The following IQSEC1 variants were observed in gnomAD, a reference collection of about 807,000 sequenced individuals.
IQSEC1 encodes IQ motif and SEC7 domain-containing protein 1.
A neutral mutation model predicts 91.0 loss-of-function variants in IQSEC1; 31 were observed. That is an observed-to-expected ratio of 0.34 (90% CI 0.26 to 0.46). The LOEUF (loss-of-function observed/expected upper bound fraction) is 0.46, where lower values mean the gene tolerates loss of function less well. IQSEC1 is among the 20% of genes least tolerant of loss of function. IQSEC1 has a pLI of 1.00. For synonymous variants in IQSEC1, 699 were observed against 662.6 expected (o/e 1.05, Z -0.84); for missense variants, 1,388 against 1,575.6 (o/e 0.88, Z 2.02).
intron 2 of IQSEC1, among the ~76,000 whole-genome samples, chr3:13,101,043 C>T (rs1190481219): frequency 1.3e-5 from 2 of 151,618 alleles, no homozygotes; most frequent in Non-Finnish European, 1.5e-5. Flanking sequence ...GCAAGGGGGC[C>T]GAGAGGCTGG....
chr3:12,935,710 C>T lies in IQSEC1; in HGVS notation c.1306G>A (p.Ala436Thr). The T allele has an allele frequency of 1.2e-6, 2 of 1,613,328 alleles. No individual in the cohort carries two copies. The highest frequency in any genetic ancestry group is 1.7e-6 in the Non-Finnish European group (2 of 1,180,022). The change falls in exon 3 of 14, where the codon GCC becomes ACC. Residue 436 changes from alanine to threonine, a missense_variant. Ala to Thr is a moderately conservative substitution (Grantham distance 58). This residue lies in a region of IQSEC1 where 1,059 missense variants were observed against 1,317.8 expected (regional missense o/e 0.80). Transcript: ENST00000613206. The surrounding 1 kb of genome is among the most constrained non-coding windows in gnomAD (Gnocchi z 8.0). The stretch of plus-strand genomic sequence containing the variant: ...TGCCGGTTGGCTGAGCCATTGATGG[C>T]CAAGTGGCTGTCCAGGGGCCTGGGG... Reference protein sequence around the residue: ...RPPRPLDSHLAINGSANRQSK... With the variant: ...RPPRPLDSHLTINGSANRQSK...
In IQSEC1 at chr3:12,899,536, C is replaced by A. The variant is rs190703044; in HGVS notation, c.*1447G>T. On this transcript the variant is annotated 3_prime_UTR_variant, in exon 14 of 14. Transcript: ENST00000613206. ...CACCACAACACAGAAGCGACAAGAGCACAGCTGAGAGTCATGTGATGCCCT... is the reference window on the plus strand; with the variant it reads ...CACCACAACACAGAAGCGACAAGAGAACAGCTGAGAGTCATGTGATGCCCT... The A allele has an allele frequency of 1.2e-5, 18 of 1,525,348 alleles. No homozygotes were observed. Among genetic ancestry groups the A allele is most frequent in the Non-Finnish European group, 1.2e-5 (14 of 1,128,044 alleles). 94.5% of individuals were successfully genotyped at this position (1,525,348 alleles called of 1,614,324 possible).
intron 2 of IQSEC1, among the ~76,000 whole-genome samples, chr3:13,126,735 T>G (rs1426409256): frequency 6.6e-6 from 1 of 152,260 alleles, no homozygotes; most frequent in Non-Finnish European, 1.5e-5. Flanking sequence ...TGTAGTAGTA[T>G]GCCACTTTGG....
Position 12,941,563 on chromosome 3 carries a change from TCTC to T in IQSEC1, c.318+5_318+7del, listed in dbSNP as rs751305679. ...GCATGTGTGGCCTGAGGGGCTGTGC[TCTC>T]CTACCTGCTTGTCCTGCAGGTCCGA... On this transcript the variant is annotated splice_donor_5th_base_variant and intron_variant, in intron 2 of 13. Transcript: ENST00000613206. 2 of 1,553,478 alleles carry T rather than the reference TCTC, an allele frequency of 1.3e-6. No individual in the cohort carries two copies. The highest frequency in any genetic ancestry group is 1.7e-6 in the Non-Finnish European group (2 of 1,143,606).
At position 13,141,538 on chromosome 3, in the gene IQSEC1, G is replaced by A. The variant is rs564500404; in HGVS notation, c.302+22566C>T. On this transcript the variant is annotated intron_variant, in intron 2 of 15. Transcript: ENST00000648114. The stretch of plus-strand genomic sequence containing the variant: ...GAGCTAAGTAAGGGAGGGAGAAGAC[G>A]GATAAATGAGGCAGGGAGCTGATGA... Among the ~76,000 whole-genome samples, 4 of 152,354 alleles carry A rather than the reference G, an allele frequency of 2.6e-5. No homozygotes were observed. In the East Asian group the frequency reaches 5.8e-4, roughly 22 times the overall value.
At position 13,148,556 on chromosome 3, in the gene IQSEC1, T is replaced by C. The variant is rs1169193081; in HGVS notation, c.302+15548A>G. Among the ~76,000 whole-genome samples, 3 of 152,356 alleles carry C rather than the reference T, an allele frequency of 2.0e-5. No individual in the cohort carries two copies. In the East Asian group the frequency reaches 5.8e-4, roughly 29 times the overall value. On this transcript the variant is annotated intron_variant, in intron 2 of 15. Transcript: ENST00000648114. ...ATTGCAGGTTTATGGGTTTTTGTTT[T>C]GTTTTGTTTTTGGTATGAAATGGGA...
intron 1 of IQSEC1, among the ~76,000 whole-genome samples, chr3:13,199,074 C>T (rs1559275701): frequency 1.3e-5 from 2 of 152,346 alleles, no homozygotes; most frequent in East Asian, 3.9e-4. Flanking sequence ...CTGCATTCAG[C>T]CACATGCATG....
intron 3 of IQSEC1, among the ~76,000 whole-genome samples, chr3:12,927,037 G>A (rs943854139): frequency 1.3e-5 from 2 of 152,106 alleles, no homozygotes; most frequent in South Asian, 4.1e-4. Flanking sequence ...CTCCAAACAA[G>A]AACTGCTCCA....
chr3:13,108,413 G>A (rs1414984592), intron 2 of IQSEC1, among the ~76,000 whole-genome samples: 1 of 152,084 alleles, frequency 6.6e-6, no homozygotes, highest in Non-Finnish European at 1.5e-5. Flanking sequence ...GAAACATGTG[G>A]CCATTTTTGG....
intron 1 of IQSEC1, among the ~76,000 whole-genome samples, chr3:13,071,168 T>TTG (rs1178698866): frequency 1.1e-4 from 9 of 78,758 alleles, no homozygotes; most frequent in South Asian, 4.6e-4. Flanking sequence ...TTTTTTTTTG[T>TTG]TTGTTTCTTT....
At chr3:13,187,733 T>C (rs1023733047) in intron 1 of IQSEC1, among the ~76,000 whole-genome samples, 2 of 152,184 alleles carry the variant, frequency 1.3e-5, no homozygotes, top group African/African-American at 2.4e-5. Context: ...GGGTAGCTTA[T>C]AAACAACAGA....
chr3:13,266,298 T>A (rs1300817626), intron 1 of IQSEC1, among the ~76,000 whole-genome samples: 1 of 152,226 alleles, frequency 6.6e-6, no homozygotes, highest in African/African-American at 2.4e-5. Flanking sequence ...CCATCGCCCT[T>A]GGACTCCATG....
At chr3:12,934,210 A>T (rs113755477) in intron 3 of IQSEC1, among the ~76,000 whole-genome samples, 1,895 of 152,348 alleles carry the variant, frequency 0.012, 16 homozygotes, top group Non-Finnish European at 0.021. Flanking sequence ...TCACAGGCTC[A>T]GGAGAGAGCA....
In IQSEC1 at chr3:12,899,343, G is replaced by GC; in HGVS notation, c.*1639dup. ...CGTGAGCTTCGCCCTTTCTGAAAGG[G>GC]CCTCCGCCTGGGCAGGCGCCGGGGG... is the stretch of plus-strand genomic sequence containing the variant. On this transcript the variant is annotated 3_prime_UTR_variant, in exon 14 of 14. Coordinates refer to ENST00000613206, the MANE Select transcript of IQSEC1 (RefSeq NM_001134382.3). The GC allele has an allele frequency of 1.9e-6, 3 of 1,602,680 alleles. No homozygotes were observed. The South Asian group carries it at 3.3e-5, about 18-fold the overall frequency.
chr3:13,262,743 A>C (rs1214455333), intron 1 of IQSEC1, among the ~76,000 whole-genome samples: 1 of 152,234 alleles, frequency 6.6e-6, no homozygotes, highest in African/African-American at 2.4e-5. Flanking sequence ...AAAGGAAGGA[A>C]ATTCTGATCC....
chr3:12,907,181 G>A (rs1356390105), intron 12 of IQSEC1, among the ~76,000 whole-genome samples: 2 of 152,122 alleles, frequency 1.3e-5, no homozygotes, highest in Non-Finnish European at 2.9e-5. Flanking sequence ...GCTGGCAACT[G>A]GCAATGAATT....
At chr3:13,253,640 G>T (rs1361860876) in intron 1 of IQSEC1, among the ~76,000 whole-genome samples, 2 of 152,222 alleles carry the variant, frequency 1.3e-5, no homozygotes, top group Non-Finnish European at 2.9e-5. Flanking sequence ...CAAAATGTGA[G>T]TGCACACAAG....
At chr3:13,223,477 G>T (rs758619270) in intron 1 of IQSEC1, among the ~76,000 whole-genome samples, 1 of 152,178 alleles carries the variant, frequency 6.6e-6, no homozygotes. Context: ...GCTGCAGAGG[G>T]AGTCCTTGAG....
intron 2 of IQSEC1, among the ~76,000 whole-genome samples, chr3:13,134,176 G>A (rs764099062): frequency 2.2e-4 from 33 of 152,248 alleles, no homozygotes; most frequent in Non-Finnish European, 3.4e-4. Flanking sequence ...TGGATAGCAT[G>A]GCCTCTAGGG....
Sources: allele counts gnomAD v4.1 joint callset (sites outside exome capture counted in the v4.1 genomes callset), GRCh38; gene constraint gnomAD v4.1.1; regional missense constraint gnomAD v4.1.1; non-coding constraint Gnocchi (gnomAD v3.1); transcripts MANE v1.5; gene names NCBI Gene and HGNC (gene_info 2026-07-23, HGNC 2026-07-21).